DOCK10: variants seen among roughly 807,000 people sequenced by gnomAD.
DOCK10 encodes the protein dedicator of cytokinesis protein 10.
Under a neutral mutation model 280.1 loss-of-function variants are expected in DOCK10, and 145 were observed. The ratio of observed to expected loss-of-function variants is 0.52; its 90% confidence interval spans 0.45 to 0.59. The LOEUF (loss-of-function observed/expected upper bound fraction) is 0.59, where lower values mean the gene tolerates loss of function less well. Among genes scored for constraint, DOCK10 ranks in the 20% least tolerant of loss-of-function variants. The pLI is 0.00. For synonymous variants in DOCK10, 915 were observed against 942.2 expected (o/e 0.97, Z 0.53); for missense variants, 2,368 against 2,651.7 (o/e 0.89, Z 2.35).
At chr2:224,791,539 G>T (rs985489663) in intron 47 of DOCK10, among the ~76,000 whole-genome samples, 1 of 150,598 alleles carries the variant, frequency 6.6e-6, no homozygotes, top group South Asian at 2.1e-4. Flanking sequence ...ATCTCAGCTC[G>T]CTGCAACCTC....
At chr2:224,774,848 T>C (rs1690718115) in intron 52 of DOCK10, 57 bp downstream of exon 52, 8 of 1,484,246 alleles carry the variant, frequency 5.4e-6, no homozygotes, top group East Asian at 2.5e-5. Context: ...TCCAGCCCTA[T>C]AAAGGGGCCT....
chr2:224,942,993 T>C (rs1177884400), intron 1 of DOCK10, among the ~76,000 whole-genome samples: 2 of 152,256 alleles, frequency 1.3e-5, no homozygotes, highest in African/African-American at 4.8e-5. Flanking sequence ...GGACACATAA[T>C]TTAGGAAGGA....
rs1301565160 is a variant in DOCK10 at position 224,921,098 on chromosome 2, A to T, written c.244-4314T>A. On this transcript the variant is annotated intron_variant, in intron 2 of 55. Coordinates refer to ENST00000258390, the MANE Select transcript of DOCK10 (RefSeq NM_014689.3). ...GGGAAAACACCGTCTCTATTAAAAAAAAAAAAAAAAAAAAATATATATATA... is the reference window on the plus strand; with the variant it reads ...GGGAAAACACCGTCTCTATTAAAAATAAAAAAAAAAAAAAATATATATATA... Among the ~76,000 whole-genome samples, 304 of 32,994 alleles carry T rather than the reference A, an allele frequency of 9.2e-3. 3 individuals are homozygous for T. Among genetic ancestry groups the T allele is most frequent in the Non-Finnish European group, 0.012 (221 of 17,884 alleles). 21.6% of individuals were successfully genotyped at this position (32,994 alleles called of 152,430 possible).
In DOCK10 at chr2:224,797,120, A is replaced by G. The variant is rs1402782200; in HGVS notation, c.4671T>C (p.Pro1557=). 5.0e-6 allele frequency: 8 copies of G among 1,607,902 alleles called. No individual in the cohort carries two copies. Among genetic ancestry groups the G allele is most frequent in the Non-Finnish European group, 6.8e-6 (8 of 1,177,342 alleles). The part of the protein sequence containing the change: ...CKFPSAFFQG[P]ADLCGSFCYE... ...AACAGAATGATCCACAGAGGTCAGCAGGCCCTTGAAAGAACGCTGAAGGAA... is the reference window on the plus strand; with the variant it reads ...AACAGAATGATCCACAGAGGTCAGCGGGCCCTTGAAAGAACGCTGAAGGAA... Residue 1557 remains proline, a synonymous_variant, in exon 43 of 56, where the codon CCT becomes CCC. Transcript: ENST00000258390.
At chr2:224,893,860 T>C (rs970797482) in intron 4 of DOCK10, among the ~76,000 whole-genome samples, 1 of 152,216 alleles carries the variant, frequency 6.6e-6, no homozygotes, top group Non-Finnish European at 1.5e-5. Flanking sequence ...GATTTACTTC[T>C]ATTAGCCTCG....
At chr2:224,979,826 A>C (rs763145200) in intron 1 of DOCK10, among the ~76,000 whole-genome samples, 10 of 152,336 alleles carry the variant, frequency 6.6e-5, no homozygotes, top group Admixed American at 2.0e-4. Context: ...CTAATTTGAT[A>C]AAATTTCTAT....
At chr2:224,825,763 T>C (rs1424387724) in intron 27 of DOCK10, among the ~76,000 whole-genome samples, 1 of 152,204 alleles carries the variant, frequency 6.6e-6, no homozygotes, top group Non-Finnish European at 1.5e-5. Context: ...TCCTAAAGAC[T>C]CGAGGTGGAA....
chr2:225,027,211 C>A (rs1689943376), intron 1 of DOCK10, among the ~76,000 whole-genome samples: 1 of 152,160 alleles, frequency 6.6e-6, no homozygotes, highest in South Asian at 2.1e-4. Context: ...CAGACCTCGC[C>A]TGCACACCCA....
intron 1 of DOCK10, among the ~76,000 whole-genome samples, chr2:224,976,626 TTCCCTGG>T (rs1705455125): frequency 6.6e-6 from 1 of 151,292 alleles, no homozygotes; most frequent in African/African-American, 2.4e-5. Flanking sequence ...AAAAACCAAG[TTCCCTGG>T]TATCTTGTCG....
chr2:224,954,591 C>A (rs1443314488), intron 1 of DOCK10, among the ~76,000 whole-genome samples: 1 of 152,066 alleles, frequency 6.6e-6, no homozygotes, highest in Non-Finnish European at 1.5e-5. Flanking sequence ...CTTATGGAGA[C>A]AAAACTCTAA....
rs187455044 is a variant in DOCK10, at chr2:224,950,490, G to C, written c.124-18822C>G. ...AGTCAGTAGCAGAGCTGGGATGTAAGTCCAGGGGGTCCAGCTACTGAGCCC... is the reference window on the plus strand; with the variant it reads ...AGTCAGTAGCAGAGCTGGGATGTAACTCCAGGGGGTCCAGCTACTGAGCCC... On this transcript the variant is annotated intron_variant, in intron 1 of 55. Transcript: ENST00000258390. Among the ~76,000 whole-genome samples the C allele has an allele frequency of 3.3e-5, 5 of 152,340 alleles. No individual in the cohort carries two copies. The East Asian group carries it at 9.6e-4, about 29-fold the overall frequency.
At chr2:224,808,375 A>G (rs1693541380) in intron 31 of DOCK10, among the ~76,000 whole-genome samples, 2 of 152,220 alleles carry the variant, frequency 1.3e-5, no homozygotes, top group Admixed American at 6.5e-5. Context: ...GAGGGGGAAA[A>G]ACACATTTTC....
chr2:225,013,019 T>G (rs1221266569), intron 1 of DOCK10, among the ~76,000 whole-genome samples: 2 of 152,200 alleles, frequency 1.3e-5, no homozygotes, highest in Non-Finnish European at 2.9e-5. Flanking sequence ...CTTTGTTATT[T>G]CCCTGTAATC....
chr2:224,778,821 A>G (rs1431555745), intron 50 of DOCK10, among the ~76,000 whole-genome samples: 1 of 152,214 alleles, frequency 6.6e-6, no homozygotes, highest in East Asian at 1.9e-4. Flanking sequence ...AACAGAAATT[A>G]CATGTGTTAT....
rs199522571 is a variant in DOCK10 at position 224,876,188 on chromosome 2, T to G, written c.781A>C (p.Lys261Gln). The G allele has an allele frequency of 1.5e-4, 240 of 1,613,030 alleles. 2 individuals are homozygous for G. The African/African-American group carries it at 3.0e-3, about 20-fold the overall frequency. Residue 261 changes from lysine to glutamine, a missense_variant, in exon 8 of 56, where the codon AAA (lysine) becomes CAA (glutamine). Lys to Gln is a moderately conservative substitution (Grantham distance 53, BLOSUM62 1). Transcript: ENST00000258390. ...ACAAAATAGGTCAGATCATTCATTT[T>G]CAATTCAAAGGCATATTTTCTTAGT... ...NRLRKYAFEL[K>Q]MNDLTYFVLA... is the part of the protein sequence containing the mutation.
chr2:225,004,104 C>A (rs1052647156), intron 1 of DOCK10, among the ~76,000 whole-genome samples: 7 of 152,152 alleles, frequency 4.6e-5, no homozygotes, highest in Non-Finnish European at 2.9e-5. Context: ...GTGGCTCCCC[C>A]AAAGATATGC....
intron 11 of DOCK10, among the ~76,000 whole-genome samples, chr2:224,868,555 C>T (rs529911462): frequency 6.6e-6 from 1 of 152,268 alleles, no homozygotes; most frequent in South Asian, 2.1e-4. Flanking sequence ...CTCACTCACA[C>T]TGTGGGTTTT....
intron 1 of DOCK10, chr2:224,982,501 G>A: frequency 1.6e-6 from 2 of 1,225,784 alleles, no homozygotes; most frequent in East Asian, 3.2e-5. Context: ...CTTGAGCTCT[G>A]ATCATCTGAT....
intron 11 of DOCK10, among the ~76,000 whole-genome samples, chr2:224,872,692 T>C (rs773149026): frequency 1.3e-4 from 20 of 152,206 alleles, no homozygotes; most frequent in Non-Finnish European, 2.8e-4. Flanking sequence ...GGCATGAGAC[T>C]GTGTGGACCC....
Sources: gnomAD v4.1 joint callset for allele counts (sites outside exome capture counted in the v4.1 genomes callset) on GRCh38, gnomAD v4.1.1 for gene constraint, MANE v1.5 for transcripts, NCBI Gene and HGNC (gene_info 2026-07-23, HGNC 2026-07-21) for gene names.